The following PDE1A variants were observed in gnomAD, a reference collection of about 807,000 sequenced individuals.
The protein encoded by PDE1A is phosphodiesterase 1A, also known as dual specificity calcium/calmodulin-dependent 3',5'-cyclic nucleotide phosphodiesterase 1A.
PDE1A carries 35 observed loss-of-function variants against 61.7 expected under a neutral mutation model. The ratio of observed to expected loss-of-function variants is 0.57; its 90% CI spans 0.43 to 0.75. The LOEUF (loss-of-function observed/expected upper bound fraction) is 0.75. PDE1A is among the 30% of genes least tolerant of loss of function. The pLI is 0.00. For missense variants in PDE1A, 597 were observed against 630.6 expected (o/e 0.95, Z 0.57); for synonymous variants, 232 against 213.2 (o/e 1.09, Z -0.77).
At position 182,186,207 on chromosome 2, in the gene PDE1A, C is replaced by T. The variant is rs888541302; in HGVS notation, c.1329-128G>A. 1.6e-5 allele frequency: 15 copies of T among 958,758 alleles called. 1 individual carries two copies. In the Admixed American group the frequency reaches 1.9e-4, roughly 12 times the overall value. 59.4% of individuals were successfully genotyped at this position (958,758 alleles called of 1,614,324 possible). A position where few individuals can be genotyped will look rare whatever the true frequency, so the allele number is the denominator to read the frequency against. On this transcript the variant is annotated intron_variant, in intron 12 of 13. Coordinates refer to ENST00000351439, the Ensembl canonical transcript of PDE1A. The stretch of plus-strand genomic sequence containing the variant: ...AGATGCTCAGTCCCAGTTCTGAGCA[C>T]GTGGCAGCTGCTCATCTCCTTTCTC...
chr2:182,606,439 A>G, the PDE1A span, among the ~76,000 whole-genome samples: 1 of 152,272 alleles, frequency 6.6e-6, no homozygotes, highest in East Asian at 1.9e-4. Context: ...TGGCCTCCCA[A>G]AGTGCTGGGA....
At chr2:182,291,989 G>A (rs1437456440) in intron 1 of PDE1A, among the ~76,000 whole-genome samples, 1 of 151,968 alleles carries the variant, frequency 6.6e-6, no homozygotes, top group Non-Finnish European at 1.5e-5. Context: ...ACTGTTACTT[G>A]TAGTTTAAAA....
upstream of PDE1A, among the ~76,000 whole-genome samples, chr2:182,526,197 G>A (rs188653927): frequency 1.1e-4 from 17 of 152,074 alleles, no homozygotes; most frequent in East Asian, 5.8e-4. Context: ...GAACAATATC[G>A]CAGACTAAGG....
At chr2:182,367,748 G>T (rs1261407785) in intron 1 of PDE1A, among the ~76,000 whole-genome samples, 1 of 151,934 alleles carries the variant, frequency 6.6e-6, no homozygotes, top group Admixed American at 6.6e-5. Context: ...ATTATATTTT[G>T]CCATGCACAG....
chr2:182,649,114 T>C, the PDE1A span, among the ~76,000 whole-genome samples: 1 of 152,144 alleles, frequency 6.6e-6, no homozygotes, highest in Non-Finnish European at 1.5e-5. Context: ...GAAACTATCA[T>C]CTTCAGGCAT....
At chr2:182,444,918 G>A (rs184689071) in intron 2 of PDE1A, among the ~76,000 whole-genome samples, 2 of 152,072 alleles carry the variant, frequency 1.3e-5, no homozygotes, top group East Asian at 3.9e-4. Flanking sequence ...AATCCTCTGT[G>A]GTTTTATGTG....
chr2:182,689,976 T>C, the PDE1A span, among the ~76,000 whole-genome samples: 765 of 152,074 alleles, frequency 5.0e-3, 12 homozygotes, highest in African/African-American at 0.018. Flanking sequence ...CAAGACTAAA[T>C]CAGGAAGAAG....
intron 2 of PDE1A, among the ~76,000 whole-genome samples, chr2:182,435,598 C>T (rs1444831510): frequency 1.3e-5 from 2 of 152,038 alleles, no homozygotes; most frequent in Non-Finnish European, 2.9e-5. Flanking sequence ...AGTTTTAAAG[C>T]ATCTGATTCA....
chr2:182,403,255 A>G (rs1437255842), intron 1 of PDE1A, among the ~76,000 whole-genome samples: 1 of 152,192 alleles, frequency 6.6e-6, no homozygotes, highest in Non-Finnish European at 1.5e-5. Context: ...TTACAATCAC[A>G]AAGACTTGGA....
intron 13 of PDE1A, among the ~76,000 whole-genome samples, chr2:182,157,205 G>A (rs1470099455): frequency 6.6e-6 from 1 of 151,814 alleles, no homozygotes; most frequent in Non-Finnish European, 1.5e-5. Context: ...AGTAGAGACA[G>A]GATTTCACCA....
At chr2:182,359,685 G>A (rs1699389203) in intron 1 of PDE1A, among the ~76,000 whole-genome samples, 1 of 152,070 alleles carries the variant, frequency 6.6e-6, no homozygotes, top group Non-Finnish European at 1.5e-5. Flanking sequence ...GTATGCCATA[G>A]AAACACTTTA....
At chr2:182,347,020 T>C (rs1486705937) in intron 1 of PDE1A, among the ~76,000 whole-genome samples, 1 of 152,104 alleles carries the variant, frequency 6.6e-6, no homozygotes, top group Non-Finnish European at 1.5e-5. Flanking sequence ...TTTCAGAAAA[T>C]TATTTTGAAA....
At chr2:182,173,544 A>C (rs751250636) in intron 13 of PDE1A, among the ~76,000 whole-genome samples, 2 of 146,642 alleles carry the variant, frequency 1.4e-5, no homozygotes, top group Non-Finnish European at 3.0e-5. Flanking sequence ...AGGAACAATA[A>C]AGGAAATATA....
At position 182,381,417 on chromosome 2, in the gene PDE1A, T is replaced by C. The variant is rs139331209; in HGVS notation, c.53+45161A>G. Among the ~76,000 whole-genome samples, 503 of 152,292 alleles carry C rather than the reference T, an allele frequency of 3.3e-3. 5 individuals are homozygous for C. Among genetic ancestry groups the C allele is most frequent in the African/African-American group, 0.012 (483 of 41,566 alleles). ...CCAGAGTAGTCAATGAAGCGTTACA[T>C]TATAAGGCTCACAGGATGGTGGCGA... On this transcript the variant is annotated intron_variant, in intron 1 of 13. Coordinates refer to ENST00000351439, the Ensembl canonical transcript of PDE1A.
At chr2:182,355,858 C>T (rs1248946672) in intron 1 of PDE1A, among the ~76,000 whole-genome samples, 3 of 152,098 alleles carry the variant, frequency 2.0e-5, no homozygotes, top group Non-Finnish European at 4.4e-5. Flanking sequence ...TTTAAAATGA[C>T]TCTCTCCTTT....
intron 2 of PDE1A, among the ~76,000 whole-genome samples, chr2:182,242,744 A>C (rs1690618347): frequency 6.6e-6 from 1 of 152,222 alleles, no homozygotes; most frequent in Non-Finnish European, 1.5e-5. Context: ...TTTGAAATCA[A>C]GACTGCAACA....
At chr2:182,537,561 T>C in the PDE1A span, among the ~76,000 whole-genome samples, 1 of 152,036 alleles carries the variant, frequency 6.6e-6, no homozygotes, top group African/African-American at 2.4e-5. Flanking sequence ...GACAGGTTGA[T>C]GGGTGCAGCA....
At chr2:182,540,947 T>C in the PDE1A span, among the ~76,000 whole-genome samples, 1 of 152,094 alleles carries the variant, frequency 6.6e-6, no homozygotes, top group Admixed American at 6.5e-5. Flanking sequence ...GCTTATTCCA[T>C]GCAAGAAAAC....
chr2:182,592,739 A>C, the PDE1A span, among the ~76,000 whole-genome samples: 1 of 152,212 alleles, frequency 6.6e-6, no homozygotes, highest in African/African-American at 2.4e-5. Context: ...AGGGTGGCAG[A>C]GGTTTTATGC....
Sources: allele counts gnomAD v4.1 joint callset (sites outside exome capture counted in the v4.1 genomes callset), GRCh38; gene constraint gnomAD v4.1.1; transcripts MANE v1.5; gene names NCBI Gene and HGNC (gene_info 2026-07-23, HGNC 2026-07-21).